CLIP1: variants seen among roughly 807,000 people sequenced by gnomAD.
CLIP1 encodes CAP-Gly domain containing linker protein 1, also known as CAP-Gly domain-containing linker protein 1.
CLIP1 carries 66 observed loss-of-function variants against 161.6 expected under a neutral mutation model. The observed-to-expected ratio is 0.41, with a 90% CI of 0.33 to 0.50. CLIP1 has a LOEUF of 0.50. Ranked by LOEUF, CLIP1 falls within the 20% of genes least tolerant of loss-of-function variation. The pLI is 0.27. For synonymous variants in CLIP1, 598 were observed against 626.2 expected (o/e 0.96, Z 0.67); for missense variants, 1,376 against 1,702.0 (o/e 0.81, Z 3.37).
At position 122,341,600 on chromosome 12, in the gene CLIP1, G is replaced by A. The variant is rs756795883; in HGVS notation, c.1604C>T (p.Ser535Phe). The change falls in exon 11 of 26, where the codon TCC becomes TTC. Residue 535 changes from serine to phenylalanine, a missense_variant. Ser to Phe is a radical substitution (Grantham distance 155, BLOSUM62 -2). This residue lies in a region of CLIP1 where 948 missense variants were observed against 1,134.8 expected (regional missense o/e 0.84). Coordinates refer to ENST00000620786, the MANE Select transcript of CLIP1 (RefSeq NM_001247997.2). ...EVAELRRRLE[S>F]NKPAGDVDMS... is the part of the protein sequence containing the mutation. Reference sequence around the variant, plus strand: ...GTCCACATCCCCAGCAGGCTTATTGGACTCTAGCCTTCTTCGGAGCTCAGC... The same window carrying A: ...GTCCACATCCCCAGCAGGCTTATTGAACTCTAGCCTTCTTCGGAGCTCAGC... 1.2e-6 allele frequency: 2 copies of A among 1,613,482 alleles called. No homozygotes were observed. Among genetic ancestry groups the A allele is most frequent in the African/African-American group, 2.7e-5 (2 of 74,840 alleles).
At chr12:122,346,367 A>G (rs1952749683) in intron 10 of CLIP1, among the ~76,000 whole-genome samples, 1 of 152,200 alleles carries the variant, frequency 6.6e-6, no homozygotes, top group African/African-American at 2.4e-5. Context: ...TGCACTATAT[A>G]GGTGCTTTAA....
intron 2 of CLIP1, among the ~76,000 whole-genome samples, chr12:122,378,574 C>G (rs551150091): frequency 8.5e-5 from 13 of 152,202 alleles, no homozygotes; most frequent in African/African-American, 3.1e-4. Flanking sequence ...TTTTCCAGGC[C>G]TATATTCATA....
At chr12:122,286,418 G>A (rs1167146632) in intron 21 of CLIP1, among the ~76,000 whole-genome samples, 2 of 149,464 alleles carry the variant, frequency 1.3e-5, no homozygotes, top group Non-Finnish European at 3.0e-5. Context: ...TTGGGAGGCT[G>A]AGGCAGGAGA....
chr12:122,327,053 C>T (rs1191476021), intron 17 of CLIP1, among the ~76,000 whole-genome samples: 1 of 152,122 alleles, frequency 6.6e-6, no homozygotes, highest in Non-Finnish European at 1.5e-5. Context: ...CCTATAAACA[C>T]ATTAAAAATA....
intron 15 of CLIP1, among the ~76,000 whole-genome samples, chr12:122,331,085 G>A (rs1951942935): frequency 6.6e-6 from 1 of 151,282 alleles, no homozygotes; most frequent in African/African-American, 2.4e-5. Flanking sequence ...CACTATCTCA[G>A]CTCACCGCAA....
At chr12:122,363,394 A>T (rs1408236736) in intron 4 of CLIP1, among the ~76,000 whole-genome samples, 1 of 151,862 alleles carries the variant, frequency 6.6e-6, no homozygotes, top group East Asian at 1.9e-4. Context: ...TGGGAGGCTG[A>T]GGCAGGAGAA....
upstream of CLIP1, chr12:122,422,741 C>T (rs897595987): frequency 1.4e-4 from 19 of 137,444 alleles, no homozygotes; most frequent in African/African-American, 5.0e-4. Flanking sequence ...CCGGCCGGCC[C>T]GGCCCCTCGA....
At position 122,316,870 on chromosome 12, in the gene CLIP1, GA is replaced by G; in HGVS notation, c.3367-16del. On this transcript the variant is annotated splice_polypyrimidine_tract_variant and intron_variant, in intron 18 of 25. Transcript: ENST00000620786. ...AGTGTGTCCAACTTAAAGACCAAGA[GA>G]AAAAAACTTGATGAAATTATTTCAT... 1 of 1,362,238 alleles carries G rather than the reference GA, an allele frequency of 7.3e-7. No individual in the cohort carries two copies. The highest frequency in any genetic ancestry group is 1.5e-5 in the South Asian group (1 of 65,468). 84.4% of individuals were successfully genotyped at this position (1,362,238 alleles called of 1,614,324 possible). A position where few individuals can be genotyped will look rare whatever the true frequency, so the allele number is the denominator to read the frequency against.
In CLIP1 at chr12:122,380,390, T is replaced by C; in HGVS notation, c.63A>G (p.Thr21=). The change falls in exon 2 of 26, where the codon ACA becomes ACG. Residue 21 remains threonine (T), a synonymous_variant. Transcript: ENST00000620786. ...TACCAGCCGTAGGTGTCTTCAGAGC[T>C]GTGCTTCCAGGCTTCAGGATCTTGG... ...APTKILKPGS[T]ALKTPTAVVA... 1 of 1,613,764 alleles carries C rather than the reference T, an allele frequency of 6.2e-7. No homozygotes were observed. The highest frequency in any genetic ancestry group is 1.3e-5 in the African/African-American group (1 of 75,050).
intron 3 of CLIP1, among the ~76,000 whole-genome samples, chr12:122,368,353 C>G (rs1351262477): frequency 6.6e-6 from 1 of 152,130 alleles, no homozygotes; most frequent in East Asian, 1.9e-4. Context: ...GCTGTGGGAA[C>G]AGAAACAAAT....
chr12:122,377,483 A>C lies in CLIP1; in HGVS notation c.563T>G (p.Leu188Arg), dbSNP rs1954798231. ...GATAGATTCACTGGCAGTTTTTGTAAGGTTGCTGATCGGAGGCGTAGCTGA... is the reference window on the plus strand; with the variant it reads ...GATAGATTCACTGGCAGTTTTTGTACGGTTGCTGATCGGAGGCGTAGCTGA... ...EPSATPPISNLTKTASESISN... is the reference protein window; with the variant it reads ...EPSATPPISNRTKTASESISN... The change falls in exon 3 of 26, where the codon CTT becomes CGT. Residue 188 changes from leucine to arginine, a missense_variant. By Grantham distance (102) the Leu-to-Arg change is moderately radical (BLOSUM62 -2). Transcript: ENST00000620786. 1.2e-6 allele frequency: 2 copies of C among 1,613,896 alleles called. No homozygotes were observed. The highest frequency in any genetic ancestry group is 2.7e-5 in the African/African-American group (2 of 74,868).
chr12:122,335,413 A>T (rs1952170507), intron 12 of CLIP1, among the ~76,000 whole-genome samples: 1 of 152,076 alleles, frequency 6.6e-6, no homozygotes, highest in East Asian at 1.9e-4. Flanking sequence ...GTCCTAAGAT[A>T]TACGGAAGGA....
intron 17 of CLIP1, among the ~76,000 whole-genome samples, chr12:122,325,977 A>G (rs1951698409): frequency 6.6e-6 from 1 of 152,226 alleles, no homozygotes; most frequent in South Asian, 2.1e-4. Context: ...GAATGGCCTC[A>G]CATGGCTGGT....
At chr12:122,371,641 A>C (rs1348934250) in intron 3 of CLIP1, among the ~76,000 whole-genome samples, 1 of 152,198 alleles carries the variant, frequency 6.6e-6, no homozygotes, top group Non-Finnish European at 1.5e-5. Flanking sequence ...AAAGATGATG[A>C]TGGCCTGACC....
At chr12:122,381,676 C>T (rs1566201254) in intron 1 of CLIP1, among the ~76,000 whole-genome samples, 1 of 152,216 alleles carries the variant, frequency 6.6e-6, no homozygotes, top group Non-Finnish European at 1.5e-5. Context: ...TGATGAAGCA[C>T]AGACCTCACT....
At chr12:122,278,659 T>C (rs1272443637) in intron 23 of CLIP1, 133 bp downstream of exon 23, 2 of 927,470 alleles carry the variant, frequency 2.2e-6, no homozygotes, top group African/African-American at 1.7e-5. Context: ...CTTGATTGAT[T>C]AAGTGGTGGA....
rs1951046355 is a variant in CLIP1 at position 122,311,062 on chromosome 12, C to A, written c.3474-1180G>T. On this transcript the variant is annotated intron_variant, in intron 19 of 25. Transcript: ENST00000620786. This position sits in a 1 kb window ranked among gnomAD's most constrained non-coding sequence, Gnocchi z 4.3. The stretch of plus-strand genomic sequence containing the variant: ...AGAAGGAATTTTAGCCTCAGCTAGT[C>A]ACTCACAAAAGAGATGCATATATAT... Among the ~76,000 whole-genome samples the A allele has an allele frequency of 6.6e-6, 1 of 152,156 alleles. No individual in the cohort carries two copies. The highest frequency in any genetic ancestry group is 1.5e-5 in the Non-Finnish European group (1 of 68,036).
chr12:122,386,090 A>C (rs1434162394), intron 1 of CLIP1, among the ~76,000 whole-genome samples: 1 of 152,152 alleles, frequency 6.6e-6, no homozygotes, highest in Non-Finnish European at 1.5e-5. Context: ...GTTCGAGACC[A>C]GCCTGGCCAA....
At chr12:122,332,865 A>C in intron 15 of CLIP1, 122 bp downstream of exon 15, 1 of 753,284 alleles carries the variant, frequency 1.3e-6, no homozygotes, top group Non-Finnish European at 2.1e-6. Flanking sequence ...GTAATAACAG[A>C]AAAGAACAGA....
Sources: gnomAD v4.1 joint callset for allele counts (sites outside exome capture counted in the v4.1 genomes callset) on GRCh38, gnomAD v4.1.1 for gene constraint, gnomAD v4.1.1 regional missense constraint, Gnocchi (gnomAD v3.1) non-coding constraint, MANE v1.5 for transcripts, NCBI Gene and HGNC (gene_info 2026-07-23, HGNC 2026-07-21) for gene names.